TMEM114: variants seen among roughly 807,000 people sequenced by gnomAD.
TMEM114 encodes transmembrane protein 114, also known as claudin-26.
A neutral mutation model predicts 6.2 loss-of-function variants in TMEM114; 6 were observed. The observed-to-expected ratio is 0.97, with a 90% confidence interval of 0.53 to 1.91. The LOEUF (loss-of-function observed/expected upper bound fraction) is 1.91, where lower values mean the gene tolerates loss of function less well. TMEM114 is among the 40% of genes most tolerant of loss of function. TMEM114 has a pLI of 0.01. For synonymous variants in TMEM114, 104 were observed against 73.0 expected (o/e 1.42, Z -2.16); for missense variants, 218 against 158.3 (o/e 1.38, Z -2.02).
chr16:8,581,441 G>A (rs181719862), intron 2 of TMEM114, among the ~76,000 whole-genome samples: 2 of 152,228 alleles, frequency 1.3e-5, no homozygotes, highest in African/African-American at 4.8e-5. Context: ...TCACATGGCC[G>A]ATACTAAGAA....
intron 3 of TMEM114, among the ~76,000 whole-genome samples, chr16:8,571,031 G>T (rs551493795): frequency 4.9e-4 from 74 of 152,048 alleles, no homozygotes; most frequent in African/African-American, 1.5e-3. Context: ...GGTTAGAGGA[G>T]ATGAGAACTT....
In TMEM114 at chr16:8,572,154, C is replaced by A. The variant is rs1901755389; in HGVS notation, c.372G>T (p.Gly124=). ...AGGCTTGGAGGAGGAAGCTCAGAAA[C>A]CCCGTCATCCCCCCAAAAACCATCA... The part of the protein sequence containing the change: ...LILMVFGGMT[G]FLSFLLQAYL... Residue 124 remains glycine, a synonymous_variant, in exon 3 of 4, where the codon GGG becomes GGT. Transcript: ENST00000620492. The A allele has an allele frequency of 2.6e-6, 4 of 1,551,576 alleles. No individual in the cohort carries two copies. The highest frequency in any genetic ancestry group is 3.5e-6 in the Non-Finnish European group (4 of 1,146,970).
Position 8,590,054 on chromosome 16 carries a change from GC to G in TMEM114, c.-217del. 2.6e-6 allele frequency: 1 copy of G among 378,044 alleles called. No homozygotes were observed. Among genetic ancestry groups the G allele is most frequent in the Middle Eastern group, 6.8e-4 (1 of 1,466 alleles). 23.4% of individuals were successfully genotyped at this position (378,044 alleles called of 1,614,324 possible). On this transcript the variant is annotated 5_prime_UTR_variant, in exon 1 of 4. Coordinates refer to ENST00000620492, the MANE Select transcript of TMEM114 (RefSeq NM_001146336.2). Reference sequence around the variant, plus strand: ...CCGACCTGCACGCGCCCCCCGCTCAGCCGCCGTCCACGTTCCCACCCCTCCA... The same window carrying G: ...CCGACCTGCACGCGCCCCCCGCTCAGCGCCGTCCACGTTCCCACCCCTCCA...
At chr16:8,576,035 A>G (rs1007765134) in intron 2 of TMEM114, among the ~76,000 whole-genome samples, 1 of 152,096 alleles carries the variant, frequency 6.6e-6, no homozygotes, top group East Asian at 1.9e-4. Context: ...TGCTGGATAT[A>G]ATCTCTTGGA....
intron 2 of TMEM114, among the ~76,000 whole-genome samples, chr16:8,544,882 G>C (rs540542691): frequency 4.6e-5 from 7 of 151,946 alleles, no homozygotes; most frequent in Admixed American, 2.0e-4. Context: ...AAATATGAAT[G>C]TGTCTATTCC....
Position 8,569,992 on chromosome 16 carries a change from G to T in TMEM114, c.453C>A (p.Leu151=), listed in dbSNP as rs892807063. The T allele has an allele frequency of 6.5e-7, 1 of 1,549,644 alleles. No individual in the cohort carries two copies. Among genetic ancestry groups the T allele is most frequent in the African/African-American group, 1.4e-5 (1 of 73,148 alleles). Residue 151 remains leucine, a synonymous_variant, in exon 4 of 4, where the codon CTC becomes CTA. Transcript: ENST00000620492. Reference sequence around the variant, plus strand: ...ACGCTATGTAGACGCTGATCCCAGCGAGGGTCACCATGGCTGCAGGGAGGG... The same window carrying T: ...ACGCTATGTAGACGCTGATCCCAGCTAGGGTCACCATGGCTGCAGGGAGGG... The part of the protein sequence containing the change: ...ILFLFGAMVT[L]AGISVYIAYS...
At chr16:8,536,977 G>C (rs1479787206), downstream of TMEM114, among the ~76,000 whole-genome samples, 2 of 152,068 alleles carry the variant, frequency 1.3e-5, no homozygotes, top group South Asian at 2.1e-4. Context: ...GAGCCAAAGT[G>C]GGAGGATCAT....
intron 2 of TMEM114, among the ~76,000 whole-genome samples, chr16:8,564,304 AT>A (rs1475910004): frequency 9.5e-5 from 14 of 147,744 alleles, no homozygotes; most frequent in South Asian, 2.2e-4. Context: ...TGAATGAGTG[AT>A]GAAATAAGTG....
chr16:8,538,639 C>G (rs1053675539), intron 2 of TMEM114, among the ~76,000 whole-genome samples: 8 of 152,068 alleles, frequency 5.3e-5, no homozygotes, highest in African/African-American at 1.9e-4. Flanking sequence ...TCCCCAGCAG[C>G]TGCGACTACA....
At chr16:8,544,199 A>C (rs1239629415) in intron 2 of TMEM114, among the ~76,000 whole-genome samples, 3 of 152,248 alleles carry the variant, frequency 2.0e-5, no homozygotes, top group Non-Finnish European at 2.9e-5. Context: ...CAAGTAAAGC[A>C]TATATGCAAG....
intron 2 of TMEM114, among the ~76,000 whole-genome samples, chr16:8,555,747 G>C (rs149859990): frequency 3.9e-5 from 6 of 152,284 alleles, no homozygotes; most frequent in African/African-American, 1.4e-4. Context: ...AGACGTTTTT[G>C]GTTGTCATAA....
downstream of TMEM114, among the ~76,000 whole-genome samples, chr16:8,565,527 C>G (rs1901511976): frequency 6.6e-6 from 1 of 152,130 alleles, no homozygotes; most frequent in Non-Finnish European, 1.5e-5. Context: ...GTCCCACTTC[C>G]TCCTCCTGTT....
At chr16:8,586,471 T>C (rs970804148) in intron 2 of TMEM114, among the ~76,000 whole-genome samples, 1 of 152,048 alleles carries the variant, frequency 6.6e-6, no homozygotes, top group Non-Finnish European at 1.5e-5. Flanking sequence ...GACATGACCC[T>C]CATCTCCCTC....
intron 2 of TMEM114, among the ~76,000 whole-genome samples, chr16:8,552,392 A>G (rs1208836145): frequency 6.8e-6 from 1 of 146,374 alleles, no homozygotes; most frequent in Non-Finnish European, 1.5e-5. Flanking sequence ...TCTTTAAAAG[A>G]AAAAAAAAAT....
At chr16:8,548,385 G>C (rs1262470904) in intron 2 of TMEM114, among the ~76,000 whole-genome samples, 1 of 152,148 alleles carries the variant, frequency 6.6e-6, no homozygotes, top group Non-Finnish European at 1.5e-5. Context: ...GCTTCCTACA[G>C]TCAAGGTCAA....
chr16:8,528,724 T>C, the TMEM114 span, among the ~76,000 whole-genome samples: 1 of 152,254 alleles, frequency 6.6e-6, no homozygotes, highest in Non-Finnish European at 1.5e-5. Context: ...CTTTCTTCTT[T>C]ATAAAGCATG....
chr16:8,535,312 G>T (rs1302568701), downstream of TMEM114, among the ~76,000 whole-genome samples: 1 of 152,070 alleles, frequency 6.6e-6, no homozygotes, highest in Non-Finnish European at 1.5e-5. Flanking sequence ...TTATTACTTT[G>T]ATTCCTCTAG....
At chr16:8,584,854 G>A (rs762090905) in intron 2 of TMEM114, among the ~76,000 whole-genome samples, 11 of 150,702 alleles carry the variant, frequency 7.3e-5, no homozygotes, top group African/African-American at 2.0e-4. Flanking sequence ...TCCAGGAGGC[G>A]GAGGTTGCAG....
downstream of TMEM114, among the ~76,000 whole-genome samples, chr16:8,536,206 C>G (rs1186179227): frequency 2.0e-5 from 3 of 147,576 alleles, no homozygotes; most frequent in African/African-American, 7.6e-5. Flanking sequence ...GCCTGGGTGA[C>G]AGAGCGAAAC....
Sources: allele counts gnomAD v4.1 joint callset (sites outside exome capture counted in the v4.1 genomes callset), GRCh38; gene constraint gnomAD v4.1.1; transcripts MANE v1.5; gene names NCBI Gene and HGNC (gene_info 2026-07-23, HGNC 2026-07-21).